The following RYR3 variants were observed in gnomAD, a reference collection of about 807,000 sequenced individuals.
The protein encoded by RYR3 is brain ryanodine receptor-calcium release channel.
Under a neutral mutation model 584.3 loss-of-function variants are expected in RYR3, and 207 were observed. The observed-to-expected ratio is 0.35, with a 90% CI of 0.32 to 0.40. RYR3 has a LOEUF of 0.40. Among genes scored for constraint, RYR3 ranks in the 10% least tolerant of loss-of-function variants. RYR3 has a pLI of 1.00. For missense variants in RYR3, 5,616 were observed against 6,089.2 expected (o/e 0.92, Z 2.59); for synonymous variants, 2,416 against 2,248.5 (o/e 1.07, Z -2.11).
intron 11 of RYR3, among the ~76,000 whole-genome samples, chr15:33,564,669 C>G (rs2057601559): frequency 6.6e-6 from 1 of 152,144 alleles, no homozygotes; most frequent in African/African-American, 2.4e-5. Flanking sequence ...GGCTGTAACT[C>G]TGGGTGGGCA....
intron 21 of RYR3, 88 bp downstream of exon 21, chr15:33,628,663 T>C (rs2061120029): frequency 3.7e-6 from 3 of 821,780 alleles, no homozygotes; most frequent in Non-Finnish European, 6.3e-6. Context: ...TAGTTTTCAT[T>C]GCATTCACTA....
At chr15:33,474,874 C>T (rs1439244307) in intron 2 of RYR3, among the ~76,000 whole-genome samples, 1 of 152,170 alleles carries the variant, frequency 6.6e-6, no homozygotes, top group Non-Finnish European at 1.5e-5. Context: ...GTACTTCTCC[C>T]TCCCTTGTAG....
chr15:33,831,876 A>C (rs994886947), intron 86 of RYR3, among the ~76,000 whole-genome samples: 5 of 152,184 alleles, frequency 3.3e-5, no homozygotes, highest in African/African-American at 1.2e-4. Context: ...TCATTCATCA[A>C]AACGCTCAGT....
At chr15:33,828,979 G>A (rs183093684) in intron 85 of RYR3, among the ~76,000 whole-genome samples, 24 of 152,316 alleles carry the variant, frequency 1.6e-4, no homozygotes, top group East Asian at 1.5e-3. Flanking sequence ...TTTCTTATTA[G>A]GGGCAGCCCA....
intron 43 of RYR3, among the ~76,000 whole-genome samples, 198 bp downstream of exon 43, chr15:33,707,252 G>A (rs890546653): frequency 6.6e-6 from 1 of 152,152 alleles, no homozygotes; most frequent in Admixed American, 6.5e-5. Context: ...CAAGGATAAA[G>A]AGTAGAGTCC....
At chr15:33,839,874 G>A (rs1430931093) in intron 89 of RYR3, 2 of 152,148 alleles carry the variant, frequency 1.3e-5, no homozygotes, top group Non-Finnish European at 2.9e-5. Flanking sequence ...ATTCTGTTTT[G>A]CTCCCTGATG....
In RYR3 at chr15:33,780,193, G is replaced by A. The variant is rs762023677; in HGVS notation, c.9138-18G>A. On this transcript the variant is annotated intron_variant, in intron 64 of 103. Transcript: ENST00000634891. ...CATGTGGGGGGCCACACTTCTCAAT[G>A]GACTTCTTTGTTTCCAGGCAACGCC... 6.2e-6 allele frequency: 10 copies of A among 1,611,948 alleles called. No individual in the cohort carries two copies. Among genetic ancestry groups the A allele is most frequent in the Non-Finnish European group, 8.5e-6 (10 of 1,178,766 alleles).
rs1233014629 is a variant in RYR3 at position 33,408,523 on chromosome 15, G to C, written c.52-64896G>C. Among the ~76,000 whole-genome samples the C allele has an allele frequency of 2.6e-5, 4 of 152,196 alleles. No individual in the cohort carries two copies. In the East Asian group the frequency reaches 7.7e-4, roughly 29 times the overall value. ...CTTTTGGATATATACCCAGTAATGA[G>C]ATTGCTGGGTCAAATGGTAGTTCTG... On this transcript the variant is annotated intron_variant, in intron 1 of 103. Transcript: ENST00000634891.
intron 48 of RYR3, among the ~76,000 whole-genome samples, chr15:33,732,839 A>T (rs1025778570): frequency 6.6e-6 from 1 of 152,186 alleles, no homozygotes; most frequent in Non-Finnish European, 1.5e-5. Context: ...TCACTGCTGT[A>T]GGGCACTCCA....
rs142084017 is a variant in RYR3 at position 33,805,541 on chromosome 15, G to A, written c.10012-2014G>A. On this transcript the variant is annotated intron_variant, in intron 69 of 103. Coordinates refer to ENST00000634891, the MANE Select transcript of RYR3 (RefSeq NM_001036.6). ...CGCCCAGGCTGGAGTACAGTGGTGCGATCTCGGCTCACTGCAAGCTCCGCC... is the reference window on the plus strand; with the variant it reads ...CGCCCAGGCTGGAGTACAGTGGTGCAATCTCGGCTCACTGCAAGCTCCGCC... Among the ~76,000 whole-genome samples, 759 of 149,358 alleles carry A rather than the reference G, an allele frequency of 5.1e-3. 4 individuals are homozygous for A. The highest frequency in any genetic ancestry group is 8.1e-3 in the Non-Finnish European group (548 of 67,674).
intron 26 of RYR3, 89 bp downstream of exon 26, chr15:33,635,908 T>G: frequency 1.5e-5 from 17 of 1,166,406 alleles, no homozygotes; most frequent in Non-Finnish European, 2.0e-5. Context: ...ACTGGATCTC[T>G]GGCTTCAAAG....
At chr15:33,474,010 C>T (rs190354589) in intron 2 of RYR3, among the ~76,000 whole-genome samples, 7 of 152,296 alleles carry the variant, frequency 4.6e-5, no homozygotes, top group South Asian at 4.1e-4. Context: ...CACTGTGACA[C>T]GAGGGCAGAG....
chr15:33,662,160 G>A lies in RYR3; in HGVS notation c.4630G>A (p.Asp1544Asn), dbSNP rs751964920. ...TGCTCGTCCTGTCCTCAGGTGTGTG[G>A]ATATCCTGGAGCTCTGTGAGCAGGA... ...LHIPEENRCV[D>N]ILELCEQEDL... The change falls in exon 35 of 104, where the codon GAT becomes AAT. Residue 1544 changes from aspartate (D) to asparagine (N), a missense_variant. Coordinates refer to ENST00000634891, the MANE Select transcript of RYR3 (RefSeq NM_001036.6). The A allele has an allele frequency of 1.3e-6, 2 of 1,592,126 alleles. No homozygotes were observed. The highest frequency in any genetic ancestry group is 1.7e-5 in the Admixed American group (1 of 58,322).
At chr15:33,551,359 G>A (rs2056659021) in intron 10 of RYR3, among the ~76,000 whole-genome samples, 1 of 152,216 alleles carries the variant, frequency 6.6e-6, no homozygotes, top group African/African-American at 2.4e-5. Context: ...AAGGGTTGTT[G>A]AGGATTCTGT....
At chr15:33,741,451 A>G (rs1383097289) in intron 51 of RYR3, among the ~76,000 whole-genome samples, 5 of 148,586 alleles carry the variant, frequency 3.4e-5, no homozygotes, top group Non-Finnish European at 5.9e-5. Context: ...TCATATGCCC[A>G]TCCTTGGTGA....
At chr15:33,345,273 G>A (rs909786733) in intron 1 of RYR3, among the ~76,000 whole-genome samples, 1 of 152,146 alleles carries the variant, frequency 6.6e-6, no homozygotes, top group Non-Finnish European at 1.5e-5. Context: ...CAGGCATGGA[G>A]CTCCTAGCTC....
intron 94 of RYR3, chr15:33,850,786 T>C (rs2079049283): frequency 6.6e-6 from 1 of 152,164 alleles, no homozygotes. Context: ...AAAAATCCCC[T>C]GTATTATCCT....
intron 67 of RYR3, among the ~76,000 whole-genome samples, chr15:33,791,131 G>A (rs887577003): frequency 3.3e-5 from 5 of 152,220 alleles, no homozygotes; most frequent in African/African-American, 9.6e-5. Context: ...CTCTAAAGGA[G>A]AACAGAGAAA....
chr15:33,484,702 G>A (rs1596327271), intron 2 of RYR3, among the ~76,000 whole-genome samples: 1 of 152,184 alleles, frequency 6.6e-6, no homozygotes, highest in Non-Finnish European at 1.5e-5. Context: ...ATAGGTTTTA[G>A]CTGCCTGTAA....
Sources: allele counts gnomAD v4.1 joint callset (sites outside exome capture counted in the v4.1 genomes callset), GRCh38; gene constraint gnomAD v4.1.1; transcripts MANE v1.5; gene names NCBI Gene and HGNC (gene_info 2026-07-23, HGNC 2026-07-21).